The following RGS7 variants were observed in gnomAD, a reference collection of about 807,000 sequenced individuals.
RGS7 encodes regulator of G-protein signaling 7.
A neutral mutation model predicts 81.1 loss-of-function variants in RGS7; 27 were observed. The observed-to-expected ratio is 0.33, with a 90% confidence interval of 0.25 to 0.46. The LOEUF (loss-of-function observed/expected upper bound fraction) is 0.46, where lower values mean the gene tolerates loss of function less well. RGS7 is among the 20% of genes least tolerant of loss of function. RGS7 has a pLI of 1.00. For synonymous variants in RGS7, 208 were observed against 207.7 expected, an observed-to-expected ratio of 1.00 and a Z score of -0.01; for missense variants, 396 against 607.4, an observed-to-expected ratio of 0.65 and a Z score of 3.66.
intron 3 of RGS7, among the ~76,000 whole-genome samples, chr1:240,993,677 G>T (rs1686859556): frequency 6.6e-6 from 1 of 150,786 alleles, no homozygotes; most frequent in Non-Finnish European, 1.5e-5. Flanking sequence ...TCTTCACAAG[G>T]TCTTTTTCAG....
Position 241,007,563 on chromosome 1 carries a change from A to C in RGS7, c.176-24434T>G, listed in dbSNP as rs527541916. On this transcript the variant is annotated intron_variant, in intron 3 of 18. Coordinates refer to ENST00000440928, the MANE Select transcript of RGS7 (RefSeq NM_001364886.1). ...GGTGTAAGGAATTTGATTTAGGTAGAAACAGAGTCAAAACCCTTTTTCTGA... is the reference window on the plus strand; with the variant it reads ...GGTGTAAGGAATTTGATTTAGGTAGCAACAGAGTCAAAACCCTTTTTCTGA... 7.0e-4 allele frequency among the ~76,000 whole-genome samples: 106 copies of C among 152,318 alleles called. 2 individuals carry two copies. In the Middle Eastern group the frequency reaches 0.017, roughly 24 times the overall value.
At chr1:241,339,976 A>C (rs2082445021) in intron 2 of RGS7, among the ~76,000 whole-genome samples, 2 of 152,222 alleles carry the variant, frequency 1.3e-5, no homozygotes, top group African/African-American at 4.8e-5. Context: ...AGTCAAATCA[A>C]TACAGAGCAA....
At chr1:241,304,597 C>T (rs1040683784) in intron 2 of RGS7, among the ~76,000 whole-genome samples, 7 of 152,012 alleles carry the variant, frequency 4.6e-5, no homozygotes, top group East Asian at 1.9e-4. Context: ...AGGTAGGGGC[C>T]GGGAGCGGGT....
At chr1:241,349,175 T>C (rs2083085431) in intron 2 of RGS7, among the ~76,000 whole-genome samples, 1 of 152,192 alleles carries the variant, frequency 6.6e-6, no homozygotes, top group South Asian at 2.1e-4. Flanking sequence ...ATTAAAAAAC[T>C]GCAGTGAAAG....
intron 4 of RGS7, among the ~76,000 whole-genome samples, chr1:240,937,325 T>C (rs568003373): frequency 1.6e-4 from 25 of 152,318 alleles, no homozygotes; most frequent in African/African-American, 6.0e-4. Flanking sequence ...ATCCTTTGTT[T>C]GAGTGCTCGT....
intron 9 of RGS7, among the ~76,000 whole-genome samples, chr1:240,844,224 G>A (rs1472626570): frequency 6.6e-6 from 1 of 152,082 alleles, no homozygotes; most frequent in East Asian, 1.9e-4. Context: ...TTCAGCTATA[G>A]TAGGAATGGC....
chr1:241,174,895 G>GTTTTTTTTTTTTTTT (rs551122102), intron 2 of RGS7, among the ~76,000 whole-genome samples: 8 of 69,232 alleles, frequency 1.2e-4, no homozygotes, highest in African/African-American at 2.4e-4. Context: ...ACAGAATTTT[G>GTTTTTTTTTTTTTTT]TTTTTTTTTT....
At chr1:241,073,716 C>G (rs2062619843) in intron 3 of RGS7, among the ~76,000 whole-genome samples, 1 of 152,122 alleles carries the variant, frequency 6.6e-6, no homozygotes, top group Non-Finnish European at 1.5e-5. Context: ...ATACAGAAAC[C>G]TGATTACAGT....
At chr1:241,352,307 C>G (rs2083295970) in intron 2 of RGS7, among the ~76,000 whole-genome samples, 1 of 152,166 alleles carries the variant, frequency 6.6e-6, no homozygotes, top group African/African-American at 2.4e-5. Context: ...TAGTTCTAAT[C>G]TAGTTAGGGG....
chr1:240,905,192 T>A (rs759827422), intron 6 of RGS7, among the ~76,000 whole-genome samples: 1 of 152,054 alleles, frequency 6.6e-6, no homozygotes, highest in Non-Finnish European at 1.5e-5. Flanking sequence ...GCTTGCCATA[T>A]TTTTTTAGGA....
intron 2 of RGS7, among the ~76,000 whole-genome samples, chr1:241,187,096 G>A (rs1321114592): frequency 6.6e-6 from 1 of 152,156 alleles, no homozygotes; most frequent in East Asian, 1.9e-4. Flanking sequence ...TACTGAAAAG[G>A]TTATAATCAG....
At chr1:241,006,086 C>T (rs1024444787) in intron 3 of RGS7, among the ~76,000 whole-genome samples, 1 of 151,862 alleles carries the variant, frequency 6.6e-6, no homozygotes, top group African/African-American at 2.4e-5. Context: ...AGACATATAA[C>T]GTAGTATTCT....
At chr1:241,020,803 C>T (rs2059497994) in intron 3 of RGS7, among the ~76,000 whole-genome samples, 1 of 152,064 alleles carries the variant, frequency 6.6e-6, no homozygotes, top group South Asian at 2.1e-4. Flanking sequence ...GAATAGATTC[C>T]ACAATACAAC....
intron 10 of RGS7, among the ~76,000 whole-genome samples, chr1:240,820,575 T>C (rs1691592174): frequency 6.6e-6 from 1 of 152,054 alleles, no homozygotes; most frequent in Non-Finnish European, 1.5e-5. Context: ...GTGGGGACTT[T>C]GGGAGGTGAC....
intron 3 of RGS7, among the ~76,000 whole-genome samples, chr1:241,008,761 A>C (rs1280153205): frequency 3.3e-5 from 5 of 151,828 alleles, no homozygotes; most frequent in Admixed American, 1.3e-4. Context: ...AAAATACAAA[A>C]ATTAGCTGGG....
chr1:240,935,425 T>C (rs1257800828), intron 5 of RGS7, among the ~76,000 whole-genome samples: 2 of 152,244 alleles, frequency 1.3e-5, no homozygotes, highest in Non-Finnish European at 1.5e-5. Flanking sequence ...TAAGTTTTGC[T>C]GTATAAAGAA....
intron 4 of RGS7, among the ~76,000 whole-genome samples, chr1:240,965,050 TTTCAAC>T (rs1399121207): frequency 6.6e-6 from 1 of 152,218 alleles, no homozygotes; most frequent in African/African-American, 2.4e-5. Flanking sequence ...CAAGTTAATG[TTTCAAC>T]TTCAAGTTGA....
intron 18 of RGS7, among the ~76,000 whole-genome samples, chr1:240,786,799 G>A (rs551857410): frequency 2.0e-5 from 3 of 152,220 alleles, no homozygotes; most frequent in South Asian, 2.1e-4. Context: ...TTTAACATTC[G>A]TATAACATTC....
intron 14 of RGS7, 73 bp downstream of exon 14, chr1:240,811,845 T>C (rs1432222253): frequency 2.3e-6 from 3 of 1,295,624 alleles, no homozygotes; most frequent in Non-Finnish European, 3.4e-6. Context: ...AATTGATCTA[T>C]TACCTCCAAA....
Sources: allele counts gnomAD v4.1 joint callset (sites outside exome capture counted in the v4.1 genomes callset), GRCh38; gene constraint gnomAD v4.1.1; transcripts MANE v1.5; gene names NCBI Gene and HGNC (gene_info 2026-07-23, HGNC 2026-07-21).